ABCC12: variants seen among roughly 807,000 people sequenced by gnomAD.
ABCC12 encodes ATP-binding cassette sub-family C member 12.
A neutral mutation model predicts 151.1 loss-of-function variants in ABCC12; 142 were observed. The observed-to-expected ratio is 0.94, with a 90% CI of 0.82 to 1.08. The LOEUF is 1.08. ABCC12 is among the 50% of genes least tolerant of loss of function. The probability of loss-of-function intolerance (pLI) is 0.00; values close to 1 mark genes in which losing one functional copy is unlikely to be tolerated. For missense variants in ABCC12, 1,638 were observed against 1,691.1 expected (o/e 0.97, Z 0.55); for synonymous variants, 645 against 646.4 (o/e 1.00, Z 0.03).
chr16:48,142,010 G>A, intron 4 of ABCC12, among the ~76,000 whole-genome samples: 1 of 152,212 alleles, frequency 6.6e-6, no homozygotes, highest in East Asian at 1.9e-4. Context: ...AGAGGTGGCA[G>A]TGGAATTAAA....
chr16:48,101,495 C>T (rs1396958058), intron 22 of ABCC12, among the ~76,000 whole-genome samples: 2 of 151,972 alleles, frequency 1.3e-5, no homozygotes, highest in Non-Finnish European at 2.9e-5. Flanking sequence ...CAAACACCCA[C>T]GGGATGCAGC....
chr16:48,151,595 T>C (rs1346417411), intron 2 of ABCC12, among the ~76,000 whole-genome samples: 1 of 152,204 alleles, frequency 6.6e-6, no homozygotes, highest in Non-Finnish European at 1.5e-5. Context: ...TAGCTGGATA[T>C]GGGGTACTGG....
chr16:48,115,590 C>A lies in ABCC12; in HGVS notation c.1814G>T (p.Gly605Val), dbSNP rs780138385. The A allele has an allele frequency of 2.7e-5, 44 of 1,613,884 alleles. No homozygotes were observed. Among genetic ancestry groups the A allele is most frequent in the Admixed American group, 5.0e-5 (3 of 59,994 alleles). ...EIGERGLNLS[G>V]GQRQRISLAR... ...CAGGCTAATCCTCTGCCTCTGCCCC[C>A]CAGAGAGGTTGAGGCCCCGCTCCCC... is the stretch of plus-strand genomic sequence containing the variant. Residue 605 changes from glycine (G) to valine (V), a missense_variant, in exon 15 of 31, where the codon GGG becomes GTG. Physicochemically the swap from Gly to Val is moderately radical, Grantham distance 109. Coordinates refer to ENST00000311303, the MANE Select transcript of ABCC12 (RefSeq NM_001393797.1).
chr16:48,139,155 G>A lies in ABCC12; in HGVS notation c.831+8C>T. Reference sequence around the variant, plus strand: ...AAAGCAGTTAGAAGCGCAAAAGCCTGCCGTTACCTGGACGGGTATGAATAT... The same window carrying A: ...AAAGCAGTTAGAAGCGCAAAAGCCTACCGTTACCTGGACGGGTATGAATAT... On this transcript the variant is annotated splice_region_variant and intron_variant, in intron 7 of 30. Transcript: ENST00000311303. 6.3e-7 allele frequency: 1 copy of A among 1,579,768 alleles called. No individual in the cohort carries two copies. The highest frequency in any genetic ancestry group is 8.6e-7 in the Non-Finnish European group (1 of 1,165,622).
At chr16:48,108,620 G>T in intron 18 of ABCC12, 91 bp from the exon 19 acceptor site, 1 of 891,984 alleles carries the variant, frequency 1.1e-6, no homozygotes, top group Non-Finnish European at 1.8e-6. Context: ...TCCACAACAC[G>T]GCTAAGGGGG....
intron 22 of ABCC12, among the ~76,000 whole-genome samples, chr16:48,101,419 T>A (rs1963304917): frequency 6.6e-6 from 1 of 152,078 alleles, no homozygotes; most frequent in Non-Finnish European, 1.5e-5. Flanking sequence ...ACTGCCAACA[T>A]GTGGCCTTCT....
At chr16:48,110,995 C>T (rs1172868696) in intron 18 of ABCC12, among the ~76,000 whole-genome samples, 2 of 152,160 alleles carry the variant, frequency 1.3e-5, no homozygotes, top group Non-Finnish European at 1.5e-5. Context: ...CTTCATAATC[C>T]GTTCTCAATG....
chr16:48,088,679 C>G lies in ABCC12; in HGVS notation c.3341G>C (p.Trp1114Ser). Reference sequence around the variant, plus strand: ...GAAGGTGATCTCCCCACGGCTGGGCCAGTCCTTGGGACAGGTCCCCACTTT... The same window carrying G: ...GAAGGTGATCTCCCCACGGCTGGGCGAGTCCTTGGGACAGGTCCCCACTTT... ...PLKVGTCPKD[W>S]PSRGEITFRD... Residue 1114 changes from tryptophan to serine, a missense_variant, in exon 26 of 31, where the codon TGG becomes TCG. Coordinates refer to ENST00000311303, the MANE Select transcript of ABCC12 (RefSeq NM_001393797.1). The G allele has an allele frequency of 6.2e-7, 1 of 1,614,184 alleles. No individual in the cohort carries two copies. Among genetic ancestry groups the G allele is most frequent in the Non-Finnish European group, 8.5e-7 (1 of 1,180,018 alleles).
chr16:48,086,889 T>C, intron 27 of ABCC12, 70 bp from the exon 28 acceptor site: 2 of 1,329,920 alleles, frequency 1.5e-6, no homozygotes, highest in Non-Finnish European at 2.2e-6. Flanking sequence ...CGGAGCAGGT[T>C]TTCTGTAGCA....
intron 2 of ABCC12, among the ~76,000 whole-genome samples, chr16:48,151,152 T>G (rs1238706585): frequency 6.6e-6 from 1 of 152,104 alleles, no homozygotes; most frequent in Non-Finnish European, 1.5e-5. Context: ...GTAATCAAGG[T>G]CAACATCAGC....
rs1192896842 is a variant in ABCC12 at position 48,085,405 on chromosome 16, CT to C, written c.3828+187del. Among the ~76,000 whole-genome samples, 3 of 152,116 alleles carry C rather than the reference CT, an allele frequency of 2.0e-5. No individual in the cohort carries two copies. In the East Asian group the frequency reaches 5.8e-4, roughly 29 times the overall value. ...AGCCTGGGAGGGGAAGGTGCTCTTG[CT>C]GTAAATGGCTGTTACTTTTCAATTT... On this transcript the variant is annotated intron_variant, in intron 29 of 30. Transcript: ENST00000311303.
intron 27 of ABCC12, chr16:48,087,194 A>C (rs1597299804): frequency 5.0e-6 from 1 of 201,078 alleles, no homozygotes; most frequent in East Asian, 1.1e-4. Flanking sequence ...AGCAACCCAA[A>C]TCTGCCACTC....
chr16:48,106,643 C>T (rs1014329713), intron 20 of ABCC12, among the ~76,000 whole-genome samples: 3 of 152,194 alleles, frequency 2.0e-5, no homozygotes, highest in African/African-American at 7.2e-5. Context: ...TGCCACCACC[C>T]TTTGGTTGTC....
At position 48,108,595 on chromosome 16, in the gene ABCC12, G is replaced by A. The variant is rs574041765; in HGVS notation, c.2282-66C>T. The stretch of plus-strand genomic sequence containing the variant: ...GGTGGGGGCCCAGCGAGGTAGGCAC[G>A]GCCCCTCCACAGACTCCACAACACG... On this transcript the variant is annotated intron_variant, in intron 18 of 30. Transcript: ENST00000311303. 1.6e-5 allele frequency: 21 copies of A among 1,341,144 alleles called. 1 individual carries two copies. The highest frequency in any genetic ancestry group is 3.6e-5 in the South Asian group (3 of 82,354). The allele number at this position is 1,341,144 out of a possible 1,614,324, so 83.1% of individuals were successfully genotyped here.
In ABCC12 at chr16:48,133,759, G is replaced by A. The variant is rs771234580; in HGVS notation, c.1056C>T (p.Ile352=). The change falls in exon 9 of 31, where the codon ATC becomes ATT. Residue 352 remains isoleucine, a synonymous_variant. Coordinates refer to ENST00000311303, the MANE Select transcript of ABCC12 (RefSeq NM_001393797.1). The part of the protein sequence containing the change: ...VQSGNSALAP[I]VSTIAIVLTL... Reference sequence around the variant, plus strand: ...TCAGCACGATGGCTATGGTGGACACGATGGGGGCCAGGGCAGAGTTTCCAC... The same window carrying A: ...TCAGCACGATGGCTATGGTGGACACAATGGGGGCCAGGGCAGAGTTTCCAC... 2.3e-5 allele frequency: 37 copies of A among 1,614,024 alleles called. No homozygotes were observed. Among genetic ancestry groups the A allele is most frequent in the South Asian group, 2.0e-4 (18 of 91,078 alleles).
At chr16:48,112,372 G>A (rs1963727160) in intron 15 of ABCC12, among the ~76,000 whole-genome samples, 1 of 152,154 alleles carries the variant, frequency 6.6e-6, no homozygotes, top group South Asian at 2.1e-4. Context: ...GAAGCGGGTG[G>A]ATCACCTAAG....
chr16:48,125,932 C>A (rs1387920948), intron 11 of ABCC12, among the ~76,000 whole-genome samples: 1 of 152,176 alleles, frequency 6.6e-6, no homozygotes, highest in Admixed American at 6.5e-5. Flanking sequence ...CTGAGTGCAA[C>A]TGAGTTCAGA....
At chr16:48,108,651 C>G in intron 18 of ABCC12, 122 bp from the exon 19 acceptor site, 1 of 692,658 alleles carries the variant, frequency 1.4e-6, no homozygotes. Context: ...TCCTTCCACT[C>G]GTCCCATGCT....
Position 48,085,609 on chromosome 16 carries a change from A to G in ABCC12, c.3812T>C (p.Leu1271Pro). The G allele has an allele frequency of 6.2e-7, 1 of 1,614,022 alleles. No homozygotes were observed. The highest frequency in any genetic ancestry group is 2.2e-5 in the East Asian group (1 of 44,878). ...ERQLLCVARA[L>P]LRNSKIILLD... ...TTTTCTTACCTTTGAATTACGGAGAAGAGCTCGGGCCACACAAAGCAGCTG... is the reference window on the plus strand; with the variant it reads ...TTTTCTTACCTTTGAATTACGGAGAGGAGCTCGGGCCACACAAAGCAGCTG... Residue 1271 changes from leucine (L) to proline (P), a missense_variant, in exon 29 of 31, where the codon CTT becomes CCT. Leu to Pro is a moderately conservative substitution (Grantham distance 98). Coordinates refer to ENST00000311303, the MANE Select transcript of ABCC12 (RefSeq NM_001393797.1).
Sources: gnomAD v4.1 joint callset for allele counts (sites outside exome capture counted in the v4.1 genomes callset) on GRCh38, gnomAD v4.1.1 for gene constraint, MANE v1.5 for transcripts, NCBI Gene and HGNC (gene_info 2026-07-23, HGNC 2026-07-21) for gene names.